The following FBXL13 variants were observed in gnomAD, a reference collection of about 807,000 sequenced individuals.
FBXL13 encodes F-box and leucine rich repeat protein 13, also known as F-box and leucine-rich repeat protein 13.
A neutral mutation model predicts 83.6 loss-of-function variants in FBXL13; 67 were observed. The ratio of observed to expected loss-of-function variants is 0.80; its 90% CI spans 0.66 to 0.98. The LOEUF (loss-of-function observed/expected upper bound fraction) is 0.98, where lower values mean the gene tolerates loss of function less well. FBXL13 is among the 50% of genes least tolerant of loss of function. The pLI is 0.00. For synonymous variants in FBXL13, 272 were observed against 299.5 expected (o/e 0.91, Z 0.95); for missense variants, 822 against 866.5 (o/e 0.95, Z 0.64).
intron 11 of FBXL13, among the ~76,000 whole-genome samples, chr7:102,908,334 T>G (rs898194594): frequency 6.6e-6 from 1 of 152,262 alleles, no homozygotes; most frequent in East Asian, 1.9e-4. Context: ...TGAATTAATT[T>G]GAATTTCCTC....
chr7:102,852,220 G>A (rs1442939308), intron 17 of FBXL13, among the ~76,000 whole-genome samples: 1 of 152,138 alleles, frequency 6.6e-6, no homozygotes, highest in Non-Finnish European at 1.5e-5. Context: ...TTTGGCTGTG[G>A]AGACCTAACT....
exon 1 of FBXL13, chr7:103,074,523 C>A: frequency 8.3e-7 from 1 of 1,205,830 alleles, no homozygotes; most frequent in Admixed American, 2.6e-5. Context: ...CGTCTTCAGC[C>A]CTGATCGCCT....
chr7:102,880,894 G>T (rs1339231001), intron 14 of FBXL13, among the ~76,000 whole-genome samples: 1 of 152,038 alleles, frequency 6.6e-6, no homozygotes. Flanking sequence ...TCTCTCAAAG[G>T]CAATTGTTGT....
At position 102,884,431 on chromosome 7, in the gene FBXL13, T is replaced by C. The variant is rs975752297; in HGVS notation, c.1009-119A>G. On this transcript the variant is annotated intron_variant, in intron 11 of 19. Transcript: ENST00000313221. ...CTATGTTTTAAAATTAACCATAAAA[T>C]GTGGCAGACACAAGAGGGAAAGAAT... The C allele has an allele frequency of 4.3e-6, 3 of 703,396 alleles. No individual in the cohort carries two copies. The African/African-American group carries it at 5.3e-5, about 13-fold the overall frequency. 43.6% of individuals were successfully genotyped at this position (703,396 alleles called of 1,614,324 possible).
At chr7:102,990,776 G>A (rs185469817) in intron 6 of FBXL13, among the ~76,000 whole-genome samples, 138 of 152,328 alleles carry the variant, frequency 9.1e-4, no homozygotes, top group African/African-American at 3.2e-3. Context: ...AAGAGAGCAC[G>A]TGATGGGTGA....
At chr7:102,926,979 C>CA (rs773139432) in intron 9 of FBXL13, among the ~76,000 whole-genome samples, 24 of 152,176 alleles carry the variant, frequency 1.6e-4, no homozygotes, top group Admixed American at 2.6e-4. Flanking sequence ...GCAGGAGATT[C>CA]AATGCTGGGA....
At chr7:102,985,221 C>T (rs1259212283) in intron 6 of FBXL13, among the ~76,000 whole-genome samples, 1 of 152,186 alleles carries the variant, frequency 6.6e-6, no homozygotes, top group Non-Finnish European at 1.5e-5. Flanking sequence ...TCATGCTCAC[C>T]ACCTGGCCAG....
chr7:102,950,768 T>G (rs1823274847), intron 8 of FBXL13, among the ~76,000 whole-genome samples: 1 of 152,198 alleles, frequency 6.6e-6, no homozygotes, highest in Non-Finnish European at 1.5e-5. Context: ...GGCTACATAC[T>G]GTATGATTCC....
chr7:102,874,173 G>A (rs1186341796), intron 16 of FBXL13: 5 of 177,608 alleles, frequency 2.8e-5, no homozygotes, highest in Non-Finnish European at 5.5e-5. Flanking sequence ...TTTGATCTTT[G>A]GTGGGTATCT....
chr7:102,825,562 GA>G (rs951338678), intron 18 of FBXL13, among the ~76,000 whole-genome samples: 74 of 152,286 alleles, frequency 4.9e-4, no homozygotes, highest in African/African-American at 1.7e-3. Context: ...ATACACAACA[GA>G]AAACGGACTA....
intron 9 of FBXL13, among the ~76,000 whole-genome samples, chr7:102,931,595 T>G (rs1203264259): frequency 6.6e-6 from 1 of 152,184 alleles, no homozygotes; most frequent in Non-Finnish European, 1.5e-5. Context: ...GGGGCCCAAT[T>G]TTTTTCTGTC....
At chr7:103,018,065 A>T (rs1712544835) in intron 6 of FBXL13, among the ~76,000 whole-genome samples, 1 of 152,248 alleles carries the variant, frequency 6.6e-6, no homozygotes, top group Admixed American at 6.5e-5. Context: ...TGTTAAGGGC[A>T]GCCAGAAAGA....
At chr7:102,975,710 A>T (rs1395679475) in intron 6 of FBXL13, among the ~76,000 whole-genome samples, 1 of 152,210 alleles carries the variant, frequency 6.6e-6, no homozygotes, top group Non-Finnish European at 1.5e-5. Context: ...GATATTTTAA[A>T]CCTTCAGTTC....
chr7:103,031,913 A>C (rs1356368247), intron 2 of FBXL13, among the ~76,000 whole-genome samples: 1 of 152,210 alleles, frequency 6.6e-6, no homozygotes, highest in Non-Finnish European at 1.5e-5. Context: ...AAGATTCCTT[A>C]GCCCTCCACT....
At chr7:102,849,344 G>A (rs985709895) in intron 17 of FBXL13, among the ~76,000 whole-genome samples, 1 of 152,176 alleles carries the variant, frequency 6.6e-6, no homozygotes, top group African/African-American at 2.4e-5. Context: ...CAATACATCT[G>A]AGGCTCCAGA....
At chr7:103,026,180 C>T (rs979234982) in intron 5 of FBXL13, among the ~76,000 whole-genome samples, 8 of 151,838 alleles carry the variant, frequency 5.3e-5, no homozygotes, top group Non-Finnish European at 1.0e-4. Flanking sequence ...CTTTTGTCGC[C>T]CAGGCTGGAG....
At chr7:102,924,011 G>A (rs1817583645) in intron 10 of FBXL13, among the ~76,000 whole-genome samples, 1 of 152,052 alleles carries the variant, frequency 6.6e-6, no homozygotes, top group Non-Finnish European at 1.5e-5. Flanking sequence ...AGGCCAAGGA[G>A]GGTGGATCAT....
At chr7:103,015,190 AC>A (rs1792139964) in intron 6 of FBXL13, among the ~76,000 whole-genome samples, 2 of 152,132 alleles carry the variant, frequency 1.3e-5, no homozygotes, top group Admixed American at 1.3e-4. Flanking sequence ...GAAGGAACAT[AC>A]CTCAAATAAT....
intron 17 of FBXL13, among the ~76,000 whole-genome samples, chr7:102,848,373 G>A (rs1445514658): frequency 9.5e-6 from 1 of 105,084 alleles, no homozygotes; most frequent in Non-Finnish European, 1.8e-5. Context: ...TGGCTAACAC[G>A]GTGAAACCCC....
Sources: allele counts gnomAD v4.1 joint callset (sites outside exome capture counted in the v4.1 genomes callset), GRCh38; gene constraint gnomAD v4.1.1; transcripts MANE v1.5; gene names NCBI Gene and HGNC (gene_info 2026-07-23, HGNC 2026-07-21).